The following RBFOX3 variants were observed in gnomAD, a reference collection of about 807,000 sequenced individuals.
The protein encoded by RBFOX3 is RNA binding protein fox-1 homolog 3.
In RBFOX3, 17 loss-of-function variants were observed where a neutral mutation model predicts 48.7. That is an observed-to-expected ratio of 0.35 (90% CI 0.24 to 0.52). The LOEUF (loss-of-function observed/expected upper bound fraction) is 0.52. Among genes scored for constraint, RBFOX3 ranks in the 20% least tolerant of loss-of-function variants. The pLI, the probability that RBFOX3 is intolerant of heterozygous loss-of-function variation, is 0.94. For missense variants in RBFOX3, 382 were observed against 497.5 expected, an observed-to-expected ratio of 0.77 and a Z score of 2.21; for synonymous variants, 212 against 209.5, an observed-to-expected ratio of 1.01 and a Z score of -0.10.
At chr17:79,174,435 GAC>G (rs1401931962) in intron 4 of RBFOX3, among the ~76,000 whole-genome samples, 1 of 149,620 alleles carries the variant, frequency 6.7e-6, no homozygotes, top group Non-Finnish European at 1.5e-5. Context: ...CACACACACT[GAC>G]ACAATGCATA....
At chr17:79,463,359 T>C (rs1358723504) in intron 2 of RBFOX3, among the ~76,000 whole-genome samples, 5 of 38,116 alleles carry the variant, frequency 1.3e-4, no homozygotes, top group Admixed American at 7.9e-4. Context: ...TCCACCGCCA[T>C]CGCCACCGCC....
intron 2 of RBFOX3, among the ~76,000 whole-genome samples, chr17:79,404,402 G>T (rs1051426095): frequency 6.6e-6 from 1 of 152,214 alleles, no homozygotes; most frequent in Non-Finnish European, 1.5e-5. Flanking sequence ...ACGTGTCAAG[G>T]AGTCCCAGCC....
chr17:79,592,278 G>A (rs1425962994), intron 1 of RBFOX3, among the ~76,000 whole-genome samples: 1 of 150,498 alleles, frequency 6.6e-6, no homozygotes, highest in Non-Finnish European at 1.5e-5. Context: ...TGGGTGGGGG[G>A]GTGTGGAATA....
At chr17:79,165,382 T>C (rs986151513) in intron 4 of RBFOX3, among the ~76,000 whole-genome samples, 1 of 152,182 alleles carries the variant, frequency 6.6e-6, no homozygotes, top group Non-Finnish European at 1.5e-5. Flanking sequence ...CGGCTCCTCA[T>C]TTCCTTTGGT....
At chr17:79,230,391 C>A (rs1172450264) in intron 4 of RBFOX3, among the ~76,000 whole-genome samples, 1 of 152,136 alleles carries the variant, frequency 6.6e-6, no homozygotes, top group African/African-American at 2.4e-5. Context: ...TCCAGAGTAG[C>A]TGGGACTACA....
chr17:79,519,600 A>C (rs1223341071), intron 1 of RBFOX3, among the ~76,000 whole-genome samples: 5 of 152,000 alleles, frequency 3.3e-5, no homozygotes, highest in African/African-American at 1.2e-4. Flanking sequence ...CGTCAGTCTT[A>C]CCTGGAAGGT....
intron 4 of RBFOX3, among the ~76,000 whole-genome samples, chr17:79,219,730 C>T (rs2059486350): frequency 6.6e-6 from 1 of 152,034 alleles, no homozygotes; most frequent in Admixed American, 6.5e-5. Flanking sequence ...GGGCTCACAG[C>T]CATGCTTCAC....
At position 79,094,751 on chromosome 17, in the gene RBFOX3, C is replaced by T. The variant is rs553042015; in HGVS notation, c.999-222G>A. Among the ~76,000 whole-genome samples the T allele has an allele frequency of 2.7e-5, 4 of 147,658 alleles. No individual in the cohort carries two copies. The South Asian group carries it at 8.8e-4, about 33-fold the overall frequency. On this transcript the variant is annotated intron_variant, in intron 13 of 14. Transcript: ENST00000693108. ...ACAACAGGCAACCCTCTCAATATGC[C>T]CACAGTGTGCTGACCCTGACGGGGT...
intron 3 of RBFOX3, among the ~76,000 whole-genome samples, chr17:79,266,620 A>T (rs2066755482): frequency 6.6e-6 from 1 of 152,050 alleles, no homozygotes; most frequent in African/African-American, 2.4e-5. Context: ...TGGCCCCTAG[A>T]TAAGATAGCT....
chr17:79,205,647 C>T lies in RBFOX3; in HGVS notation c.-34+30119G>A, dbSNP rs1201611226. On this transcript the variant is annotated intron_variant, in intron 4 of 14. Coordinates refer to ENST00000693108, the MANE Select transcript of RBFOX3 (RefSeq NM_001350451.2). This position sits in a 1 kb window ranked among gnomAD's most constrained non-coding sequence, Gnocchi z 4.5. The stretch of plus-strand genomic sequence containing the variant: ...AATTCACCTACAAAACAGAACCCTA[C>T]AAAAACCAGATGAATCAGAGTGGGT... 1.3e-5 allele frequency among the ~76,000 whole-genome samples: 2 copies of T among 152,210 alleles called. No individual in the cohort carries two copies. Among genetic ancestry groups the T allele is most frequent in the Non-Finnish European group, 2.9e-5 (2 of 68,038 alleles).
At chr17:79,334,499 T>G (rs1341166712) in intron 2 of RBFOX3, among the ~76,000 whole-genome samples, 1 of 152,186 alleles carries the variant, frequency 6.6e-6, no homozygotes, top group Middle Eastern at 3.2e-3. Context: ...GGAACCACTG[T>G]TTCAAAATCT....
At chr17:79,348,598 GAGA>G (rs2083316476) in intron 2 of RBFOX3, among the ~76,000 whole-genome samples, 1 of 13,880 alleles carries the variant, frequency 7.2e-5, no homozygotes, top group Admixed American at 7.6e-4. Context: ...TTTTTTTTTT[GAGA>G]CAGAGTTTCA....
intron 4 of RBFOX3, among the ~76,000 whole-genome samples, chr17:79,231,998 C>T (rs1412208189): frequency 1.3e-5 from 2 of 152,204 alleles, no homozygotes; most frequent in Admixed American, 6.5e-5. Flanking sequence ...CGGAAGACAC[C>T]TCTTCACAGG....
chr17:79,354,254 C>T (rs1275097906), intron 2 of RBFOX3, among the ~76,000 whole-genome samples: 6 of 152,284 alleles, frequency 3.9e-5, no homozygotes, highest in African/African-American at 1.4e-4. Context: ...GACGCAGGCC[C>T]ACCATTCTAG....
At chr17:79,647,060 CGTGTGTGTGT>C in the RBFOX3 span, among the ~76,000 whole-genome samples, 1 of 149,466 alleles carries the variant, frequency 6.7e-6, no homozygotes. Flanking sequence ...TTTTCACTGC[CGTGTGTGTGT>C]GTGTGTGTGT....
At chr17:79,294,540 G>A (rs2073988545) in intron 3 of RBFOX3, among the ~76,000 whole-genome samples, 1 of 152,082 alleles carries the variant, frequency 6.6e-6, no homozygotes, top group Non-Finnish European at 1.5e-5. Context: ...TCGAACTCCT[G>A]ACCTCAAATG....
At chr17:79,463,520 A>C in intron 2 of RBFOX3, among the ~76,000 whole-genome samples, 1 of 96,332 alleles carries the variant, frequency 1.0e-5, no homozygotes, top group African/African-American at 4.0e-5. Flanking sequence ...TGCCACCTCC[A>C]CCATCGCCAC....
At chr17:79,112,972 C>G (rs1389389454) in intron 5 of RBFOX3, among the ~76,000 whole-genome samples, 1 of 146,848 alleles carries the variant, frequency 6.8e-6, no homozygotes, top group East Asian at 2.0e-4. Flanking sequence ...TACTTGGTGG[C>G]TGCACACGGG....
chr17:79,354,722 A>T (rs1257701737), intron 2 of RBFOX3, among the ~76,000 whole-genome samples: 2 of 152,184 alleles, frequency 1.3e-5, no homozygotes, highest in East Asian at 3.9e-4. Flanking sequence ...CCCTTCCCAG[A>T]TGTGTGAGAG....
Sources: gnomAD v4.1 joint callset for allele counts (sites outside exome capture counted in the v4.1 genomes callset) on GRCh38, gnomAD v4.1.1 for gene constraint, Gnocchi (gnomAD v3.1) non-coding constraint, MANE v1.5 for transcripts, NCBI Gene and HGNC (gene_info 2026-07-23, HGNC 2026-07-21) for gene names.